Variants in TXNRD2 observed in about 807,000 individuals in gnomAD.
TXNRD2 encodes thioredoxin reductase 2.
TXNRD2 carries 67 observed loss-of-function variants against 70.8 expected under a neutral mutation model. That is an observed-to-expected ratio of 0.95 (90% CI 0.78 to 1.16). The LOEUF (loss-of-function observed/expected upper bound fraction) is 1.16. Ranked by LOEUF, TXNRD2 falls within the 50% of genes most tolerant of loss-of-function variation. The pLI is 0.00. For synonymous variants in TXNRD2, 301 were observed against 295.8 expected (o/e 1.02, Z -0.18); for missense variants, 644 against 719.9 (o/e 0.89, Z 1.21).
At chr22:19,920,305 T>C (rs35393877) in intron 2 of TXNRD2, among the ~76,000 whole-genome samples, 15,783 of 152,266 alleles carry the variant, frequency 0.1, 1,081 homozygotes, top group Non-Finnish European at 0.15. Context: ...GGACCGGGCA[T>C]GGTGGCTCAC....
chr22:19,896,776 G>A (rs1009960590), intron 10 of TXNRD2, among the ~76,000 whole-genome samples: 1 of 152,360 alleles, frequency 6.6e-6, no homozygotes, highest in African/African-American at 2.4e-5. Flanking sequence ...GTGCGGGTGT[G>A]CCAGCTGGCT....
At chr22:19,882,059 T>TA (rs1316962179) in intron 12 of TXNRD2, among the ~76,000 whole-genome samples, 5 of 152,144 alleles carry the variant, frequency 3.3e-5, no homozygotes, top group Admixed American at 3.3e-4. Context: ...AGAGAAACTG[T>TA]AAGAGGCAAA....
intron 12 of TXNRD2, chr22:19,881,017 C>T: frequency 1.8e-6 from 1 of 547,176 alleles, no homozygotes. Flanking sequence ...TCTCCAAACC[C>T]CTTCTGCACA....
At chr22:19,912,830 T>C (rs1050010712) in intron 7 of TXNRD2, among the ~76,000 whole-genome samples, 1 of 152,230 alleles carries the variant, frequency 6.6e-6, no homozygotes, top group Non-Finnish European at 1.5e-5. Context: ...GGCCGCTCCT[T>C]TCCCTGTTTC....
intron 1 of TXNRD2, 150 bp from the exon 2 acceptor site, chr22:19,931,248 T>C (rs1307418561): frequency 2.0e-5 from 15 of 757,750 alleles, no homozygotes; most frequent in Non-Finnish European, 3.2e-5. Context: ...TCGATACACA[T>C]AGTCTGTGCA....
At chr22:19,880,113 G>A (rs767037761) in intron 14 of TXNRD2, 66 bp downstream of exon 14, 138 of 1,540,568 alleles carry the variant, frequency 9.0e-5, no homozygotes, top group Non-Finnish European at 3.9e-5. Context: ...CAAGGCCTCC[G>A]CCCAGAGCAT....
chr22:19,915,307 G>A (rs1485320968), intron 6 of TXNRD2, 31 bp from the exon 7 acceptor site: 1 of 1,606,982 alleles, frequency 6.2e-7, no homozygotes, highest in Non-Finnish European at 8.5e-7. Flanking sequence ...CCGTGGGTCA[G>A]ACAGGTGCAT....
At chr22:19,891,537 AC>A (rs1939262752) in intron 11 of TXNRD2, 2 of 152,244 alleles carry the variant, frequency 1.3e-5, no homozygotes, top group African/African-American at 4.8e-5. Context: ...TCTAAACTTA[AC>A]TGCACTTAGA....
intron 8 of TXNRD2, among the ~76,000 whole-genome samples, chr22:19,906,729 C>T (rs1370485440): frequency 6.6e-6 from 1 of 152,180 alleles, no homozygotes; most frequent in Non-Finnish European, 1.5e-5. Context: ...TCACCAAGTC[C>T]AAAGACAAAC....
Position 19,932,491 on chromosome 22 carries a change from G to A in TXNRD2, c.104-1393C>T, listed in dbSNP as rs559619555. On this transcript the variant is annotated intron_variant, in intron 1 of 17. Coordinates refer to ENST00000400521, the MANE Select transcript of TXNRD2 (RefSeq NM_006440.5). Reference sequence around the variant, plus strand: ...AGGGGCAGCCAAAAAAGGGAGGGATGGAGAAGGGACTGGAGGGAGGAAGTA... The same window carrying A: ...AGGGGCAGCCAAAAAAGGGAGGGATAGAGAAGGGACTGGAGGGAGGAAGTA... 1.6e-5 allele frequency: 26 copies of A among 1,595,686 alleles called. No individual in the cohort carries two copies. In the East Asian group the frequency reaches 4.9e-4, roughly 30 times the overall value.
At chr22:19,887,208 G>C (rs1472165022) in intron 11 of TXNRD2, 1 of 152,184 alleles carries the variant, frequency 6.6e-6, no homozygotes. Context: ...ATGGATACAT[G>C]ACACTCTGGC....
intron 1 of TXNRD2, among the ~76,000 whole-genome samples, chr22:19,934,234 C>G (rs55760283): frequency 1.3e-5 from 2 of 152,094 alleles, no homozygotes; most frequent in African/African-American, 2.4e-5. Flanking sequence ...TCTTCCTACT[C>G]TAAAAGGAGA....
chr22:19,899,115 T>C (rs745921318), intron 8 of TXNRD2, 47 bp from the exon 9 acceptor site: 29 of 1,605,586 alleles, frequency 1.8e-5, no homozygotes, highest in Admixed American at 1.2e-4. Flanking sequence ...GAGGCCCTTA[T>C]TGACCAAGTG....
chr22:19,878,051 C>T (rs1569068747), intron 16 of TXNRD2, 39 bp downstream of exon 16: 2 of 1,557,816 alleles, frequency 1.3e-6, no homozygotes, highest in East Asian at 4.5e-5. Flanking sequence ...GGATACCCAG[C>T]TGCACATCGC....
intron 1 of TXNRD2, among the ~76,000 whole-genome samples, chr22:19,934,437 G>A (rs189807217): frequency 1.8e-3 from 268 of 151,072 alleles, no homozygotes; most frequent in African/African-American, 6.2e-3. Context: ...GCTCACACCT[G>A]TGTTGCAGGA....
chr22:19,883,307 C>T lies in TXNRD2; in HGVS notation c.1086+18G>A. ...GCAGGCAGGGGCAGGGGCCCTGGTCCCGGGACGCATGCCGTACCTCCACCA... is the reference window on the plus strand; with the variant it reads ...GCAGGCAGGGGCAGGGGCCCTGGTCTCGGGACGCATGCCGTACCTCCACCA... On this transcript the variant is annotated intron_variant, in intron 12 of 17. Coordinates refer to ENST00000400521, the MANE Select transcript of TXNRD2 (RefSeq NM_006440.5). 1 of 1,611,508 alleles carries T rather than the reference C, an allele frequency of 6.2e-7. No homozygotes were observed. Among genetic ancestry groups the T allele is most frequent in the Non-Finnish European group, 8.5e-7 (1 of 1,178,816 alleles).
At chr22:19,920,873 T>C (rs531515698) in intron 2 of TXNRD2, among the ~76,000 whole-genome samples, 59 of 152,226 alleles carry the variant, frequency 3.9e-4, no homozygotes, top group African/African-American at 1.3e-3. Flanking sequence ...GAGGCCAAGG[T>C]GGGCAGATCA....
At chr22:19,939,456 T>A (rs1350765340) in intron 1 of TXNRD2, among the ~76,000 whole-genome samples, 1 of 152,210 alleles carries the variant, frequency 6.6e-6, no homozygotes, top group Admixed American at 6.5e-5. Context: ...ACACTTTCTG[T>A]CTCACCAGTT....
At chr22:19,899,760 T>TA (rs2097387265) in intron 8 of TXNRD2, among the ~76,000 whole-genome samples, 1 of 152,212 alleles carries the variant, frequency 6.6e-6, no homozygotes. Flanking sequence ...TGCATGCACA[T>TA]ACTCTTACAC....
Sources: allele counts gnomAD v4.1 joint callset (sites outside exome capture counted in the v4.1 genomes callset), GRCh38; gene constraint gnomAD v4.1.1; transcripts MANE v1.5; gene names NCBI Gene and HGNC (gene_info 2026-07-23, HGNC 2026-07-21).